CYB5R4: variants seen among roughly 807,000 people sequenced by gnomAD.
The protein encoded by CYB5R4 is N-terminal cytochrome b5 and cytochrome b5 oxidoreductase domain-containing protein.
Under a neutral mutation model 70.2 loss-of-function variants are expected in CYB5R4, and 55 were observed. The observed-to-expected ratio is 0.78, with a 90% CI of 0.63 to 0.98. CYB5R4 has a LOEUF of 0.98. CYB5R4 is among the 50% of genes least tolerant of loss of function. The probability of loss-of-function intolerance (pLI) is 0.00; values close to 1 mark genes in which losing one functional copy is unlikely to be tolerated. For synonymous variants in CYB5R4, 197 were observed against 199.5 expected (o/e 0.99, Z 0.11); for missense variants, 562 against 612.6 (o/e 0.92, Z 0.87).
Position 83,885,852 on chromosome 6 carries a change from A to C in CYB5R4, c.230-7670A>C, listed in dbSNP as rs561146938. 1.9e-4 allele frequency among the ~76,000 whole-genome samples: 29 copies of C among 152,290 alleles called. 1 individual carries two copies. The East Asian group carries it at 5.4e-3, about 28-fold the overall frequency. Reference sequence around the variant, plus strand: ...CAGTGCCTCAAAAGGTTAAATATAGAATACTCTGTGACCCACCAAATTTAC... The same window carrying C: ...CAGTGCCTCAAAAGGTTAAATATAGCATACTCTGTGACCCACCAAATTTAC... On this transcript the variant is annotated intron_variant, in intron 2 of 15. Coordinates refer to ENST00000369681, the MANE Select transcript of CYB5R4 (RefSeq NM_016230.4).
intron 14 of CYB5R4, among the ~76,000 whole-genome samples, chr6:83,951,468 C>T (rs1357587793): frequency 2.0e-5 from 3 of 152,088 alleles, no homozygotes; most frequent in East Asian, 1.9e-4. Context: ...CAGTGTGGAA[C>T]GTTCCCCTCC....
In CYB5R4 at chr6:83,959,815, GT is replaced by G; in HGVS notation, c.1512-4del. Reference sequence around the variant, plus strand: ...CCTAAGAAACATGTGCTTTTTATTTGTTTTTCAGGTTGCTGCATGATCTCAA... The same window carrying G: ...CCTAAGAAACATGTGCTTTTTATTTGTTTTCAGGTTGCTGCATGATCTCAA... On this transcript the variant is annotated splice_polypyrimidine_tract_variant and splice_region_variant and intron_variant, in intron 15 of 15. Transcript: ENST00000369681. The G allele has an allele frequency of 6.3e-7, 1 of 1,593,858 alleles. No individual in the cohort carries two copies.
chr6:83,874,580 T>G (rs1019233741), intron 2 of CYB5R4, among the ~76,000 whole-genome samples: 1 of 151,620 alleles, frequency 6.6e-6, no homozygotes, highest in South Asian at 2.1e-4. Context: ...CTTTCCAGCC[T>G]TTTTTATCAT....
At chr6:83,939,433 A>T (rs60913063) in intron 12 of CYB5R4, among the ~76,000 whole-genome samples, 2,380 of 152,310 alleles carry the variant, frequency 0.016, 69 homozygotes, top group African/African-American at 0.054. Flanking sequence ...CTCCAAGTAT[A>T]GTTGACTGCA....
chr6:83,884,744 G>A (rs773493759), intron 2 of CYB5R4, among the ~76,000 whole-genome samples: 6 of 152,000 alleles, frequency 3.9e-5, no homozygotes, highest in South Asian at 4.1e-4. Flanking sequence ...TTTTCTCCTC[G>A]TTTATTTTAT....
chr6:83,945,344 G>T (rs1224525779), intron 14 of CYB5R4, among the ~76,000 whole-genome samples: 2 of 152,090 alleles, frequency 1.3e-5, no homozygotes, highest in African/African-American at 4.8e-5. Flanking sequence ...CGAAATTAAG[G>T]CAGAAATAAA....
rs1305132638 is a variant in CYB5R4, at chr6:83,963,149, T to C, written c.*3271T>C. On this transcript the variant is annotated 3_prime_UTR_variant, in exon 16 of 16. Coordinates refer to ENST00000369681, the MANE Select transcript of CYB5R4 (RefSeq NM_016230.4). ...TTCAAAGGTTGCAGGCATTTGGGTGTTGACATCTTTGATGGGCACATTGTG... is the reference window on the plus strand; with the variant it reads ...TTCAAAGGTTGCAGGCATTTGGGTGCTGACATCTTTGATGGGCACATTGTG... 6.6e-6 allele frequency: 1 copy of C among 152,232 alleles called. No homozygotes were observed. The highest frequency in any genetic ancestry group is 2.4e-5 in the African/African-American group (1 of 41,456). 9.4% of individuals were successfully genotyped at this position (152,232 alleles called of 1,614,324 possible). A position where few individuals can be genotyped will look rare whatever the true frequency, so the allele number is the denominator to read the frequency against.
chr6:83,876,472 C>T (rs2099458573), intron 2 of CYB5R4, among the ~76,000 whole-genome samples: 1 of 147,364 alleles, frequency 6.8e-6, no homozygotes. Context: ...CATTTTTTCT[C>T]CACTATTATT....
chr6:83,893,158 G>C (rs9359573), intron 2 of CYB5R4, among the ~76,000 whole-genome samples: 1 of 152,012 alleles, frequency 6.6e-6, no homozygotes, highest in Non-Finnish European at 1.5e-5. Context: ...GTAATGCAGC[G>C]CATTAAGTGT....
Position 83,865,939 on chromosome 6 carries a change from C to A in CYB5R4, c.229+1611C>A, listed in dbSNP as rs576361977. 5.3e-5 allele frequency among the ~76,000 whole-genome samples: 8 copies of A among 152,286 alleles called. No individual in the cohort carries two copies. The South Asian group carries it at 6.2e-4, about 12-fold the overall frequency. On this transcript the variant is annotated intron_variant, in intron 2 of 15. Coordinates refer to ENST00000369681, the MANE Select transcript of CYB5R4 (RefSeq NM_016230.4). ...AGGATTCTGGCAGGTGCAAAAAGAT[C>A]CTTTTGACATTTTATAGGGTTTTTG...
chr6:83,949,151 C>G (rs982681045), intron 14 of CYB5R4, among the ~76,000 whole-genome samples: 1 of 150,368 alleles, frequency 6.7e-6, no homozygotes, highest in African/African-American at 2.5e-5. Flanking sequence ...AGGTCAAGCC[C>G]TAGCTAGAAA....
Position 83,962,199 on chromosome 6 carries a change from A to G in CYB5R4, c.*2321A>G, listed in dbSNP as rs890166206. The G allele has an allele frequency of 6.6e-6, 1 of 152,168 alleles. No homozygotes were observed. The highest frequency in any genetic ancestry group is 2.4e-5 in the African/African-American group (1 of 41,436). The allele number at this position is 152,168 out of a possible 1,614,324, so 9.4% of individuals were successfully genotyped here. On this transcript the variant is annotated 3_prime_UTR_variant, in exon 16 of 16. Coordinates refer to ENST00000369681, the MANE Select transcript of CYB5R4 (RefSeq NM_016230.4). ...CTTCCATACCAGCTAACCCTGTCCTATCATCCCTCAGCTGGATTAGTACAG... is the reference window on the plus strand; with the variant it reads ...CTTCCATACCAGCTAACCCTGTCCTGTCATCCCTCAGCTGGATTAGTACAG...
In CYB5R4 at chr6:83,940,717, AT is replaced by A. The variant is rs955515957; in HGVS notation, c.1346+117del. ...CAGGAAGCTCCTTCAAAGAAAAAAA[AT>A]AAACCAATAATTCTCTAACTAGAAA... On this transcript the variant is annotated intron_variant, in intron 14 of 15. Transcript: ENST00000369681. 8 of 1,172,490 alleles carry A rather than the reference AT, an allele frequency of 6.8e-6. No individual in the cohort carries two copies. The African/African-American group carries it at 9.9e-5, about 14-fold the overall frequency. 72.6% of individuals were successfully genotyped at this position (1,172,490 alleles called of 1,614,324 possible).
At chr6:83,882,529 T>A (rs1287484047) in intron 2 of CYB5R4, among the ~76,000 whole-genome samples, 1 of 152,142 alleles carries the variant, frequency 6.6e-6, no homozygotes, top group Non-Finnish European at 1.5e-5. Context: ...ATCCAAAGTT[T>A]CTACAACATA....
intron 2 of CYB5R4, among the ~76,000 whole-genome samples, chr6:83,884,156 TATA>T (rs1234971618): frequency 1.3e-5 from 2 of 152,006 alleles, no homozygotes; most frequent in Non-Finnish European, 2.9e-5. Flanking sequence ...AATGATAGTT[TATA>T]ATAATTATCT....
At chr6:83,945,766 G>GAC (rs2099470493) in intron 14 of CYB5R4, among the ~76,000 whole-genome samples, 2 of 151,962 alleles carry the variant, frequency 1.3e-5, no homozygotes, top group Non-Finnish European at 2.9e-5. Context: ...CAGAAATACA[G>GAC]ACTACCATCA....
intron 11 of CYB5R4, 71 bp from the exon 12 acceptor site, chr6:83,936,153 G>A (rs1157644203): frequency 5.3e-6 from 6 of 1,124,030 alleles, no homozygotes; most frequent in Admixed American, 3.0e-5. Flanking sequence ...GTCAAAATTT[G>A]GATGTTTCAT....
At chr6:83,881,484 G>T (rs185834510) in intron 2 of CYB5R4, among the ~76,000 whole-genome samples, 47 of 152,270 alleles carry the variant, frequency 3.1e-4, no homozygotes, top group Admixed American at 1.8e-3. Flanking sequence ...GCCTCATACT[G>T]CTTCTTGTAT....
At chr6:83,861,254 G>A (rs2099455887) in intron 1 of CYB5R4, among the ~76,000 whole-genome samples, 1 of 152,166 alleles carries the variant, frequency 6.6e-6, no homozygotes, top group Non-Finnish European at 1.5e-5. Flanking sequence ...GGTCCAAAAA[G>A]AGAACAAAAT....
Sources: gnomAD v4.1 joint callset for allele counts (sites outside exome capture counted in the v4.1 genomes callset) on GRCh38, gnomAD v4.1.1 for gene constraint, MANE v1.5 for transcripts, NCBI Gene and HGNC (gene_info 2026-07-23, HGNC 2026-07-21) for gene names.